The following HIRA variants were observed in gnomAD, a reference collection of about 807,000 sequenced individuals.
HIRA encodes the protein protein HIRA.
A neutral mutation model predicts 126.6 loss-of-function variants in HIRA; 13 were observed. That is an observed-to-expected ratio of 0.10 (90% CI 0.07 to 0.16). HIRA has a LOEUF of 0.16. HIRA is among the 10% of genes least tolerant of loss of function. The probability of loss-of-function intolerance (pLI) is 1.00; values close to 1 mark genes in which losing one functional copy is unlikely to be tolerated. For synonymous variants in HIRA, 511 were observed against 520.0 expected (o/e 0.98, Z 0.24); for missense variants, 834 against 1,314.4 (o/e 0.63, Z 5.65).
chr22:19,382,167 G>C (rs908442013), intron 13 of HIRA, among the ~76,000 whole-genome samples: 14 of 152,146 alleles, frequency 9.2e-5, no homozygotes, highest in Non-Finnish European at 1.8e-4. Context: ...GGAATCAGGA[G>C]GGCAAAAAGC....
At chr22:19,396,578 C>T (rs976552631) in intron 7 of HIRA, among the ~76,000 whole-genome samples, 9 of 152,240 alleles carry the variant, frequency 5.9e-5, no homozygotes, top group African/African-American at 1.7e-4. Context: ...GGAAATTAAA[C>T]AGCGTCTCAG....
At position 19,351,339 on chromosome 22, in the gene HIRA, C is replaced by T; in HGVS notation, c.2937+19G>A. 6.3e-7 allele frequency: 1 copy of T among 1,582,522 alleles called. No individual in the cohort carries two copies. Among genetic ancestry groups the T allele is most frequent in the South Asian group, 1.2e-5 (1 of 85,104 alleles). ...TTTCAAGAAAGAATTCTTGCAGCAA[C>T]AATGAAAGAAGCACCTACCACTACT... is the stretch of plus-strand genomic sequence containing the variant. On this transcript the variant is annotated intron_variant, in intron 24 of 24. Coordinates refer to ENST00000263208, the MANE Select transcript of HIRA (RefSeq NM_003325.4). The surrounding 1 kb of genome is among the most constrained non-coding windows in gnomAD (Gnocchi z 4.8).
intron 17 of HIRA, 35 bp downstream of exon 17, chr22:19,361,202 G>T: frequency 6.8e-7 from 1 of 1,471,762 alleles, no homozygotes; most frequent in Non-Finnish European, 9.5e-7. Flanking sequence ...GTCTGGGTGT[G>T]CCTGAGGGAG....
At chr22:19,426,678 C>G (rs1209744482) in intron 1 of HIRA, among the ~76,000 whole-genome samples, 2 of 152,210 alleles carry the variant, frequency 1.3e-5, no homozygotes, top group African/African-American at 4.8e-5. Flanking sequence ...CTGGTCCCCA[C>G]AGAACTCTTA....
At chr22:19,405,051 G>C (rs1040477428) in intron 5 of HIRA, among the ~76,000 whole-genome samples, 2 of 152,120 alleles carry the variant, frequency 1.3e-5, no homozygotes, top group African/African-American at 4.8e-5. Context: ...CAGTAACAGG[G>C]AGCACAAGCT....
intron 24 of HIRA, among the ~76,000 whole-genome samples, chr22:19,333,196 C>T (rs1330883044): frequency 6.6e-6 from 1 of 152,206 alleles, no homozygotes; most frequent in Non-Finnish European, 1.5e-5. Context: ...GCGTGAGCCA[C>T]TATGCCTGGC....
At position 19,394,336 on chromosome 22, in the gene HIRA, A is replaced by AC; in HGVS notation, c.822+5dup. On this transcript the variant is annotated splice_donor_region_variant and intron_variant, in intron 8 of 24. Coordinates refer to ENST00000263208, the MANE Select transcript of HIRA (RefSeq NM_003325.4). ...CCCATCTCCCTTTAGTTCCCTGGGC[A>AC]CTCACCACGACAGTCACAGCTTTCC... 1 of 1,614,058 alleles carries AC rather than the reference A, an allele frequency of 6.2e-7. No homozygotes were observed. Among genetic ancestry groups the AC allele is most frequent in the Non-Finnish European group, 8.5e-7 (1 of 1,179,950 alleles).
At chr22:19,361,442 G>A (rs1231099010) in intron 16 of HIRA, 101 bp from the exon 17 acceptor site, 3 of 991,204 alleles carry the variant, frequency 3.0e-6, no homozygotes, top group Middle Eastern at 2.5e-4. Flanking sequence ...TGCGACCAGA[G>A]CATTTCCACC....
At chr22:19,411,440 T>C (rs113978845) in intron 1 of HIRA, among the ~76,000 whole-genome samples, 3 of 152,086 alleles carry the variant, frequency 2.0e-5, no homozygotes, top group African/African-American at 7.2e-5. Flanking sequence ...GCTGGCTGGG[T>C]GGGTGGATCA....
rs1569310813 is a variant in HIRA at position 19,410,692 on chromosome 22, CCTTT to C, written c.100+20_100+23del. On this transcript the variant is annotated intron_variant, in intron 2 of 24. Transcript: ENST00000263208. ...AAGGTGGCAGGGCTGTTAAGCTTTCCCTTTCTTTATTCCATAAACATACCTTGTC... is the reference window on the plus strand; with the variant it reads ...AAGGTGGCAGGGCTGTTAAGCTTTCCCTTTATTCCATAAACATACCTTGTC... 6.3e-7 allele frequency: 1 copy of C among 1,590,194 alleles called. No homozygotes were observed.
rs2089097638 is a variant in HIRA, at chr22:19,383,677, C to T, written c.1358G>A (p.Arg453Gln). The change falls in exon 13 of 25, where the codon CGG (arginine) becomes CAG (glutamine). Residue 453 changes from arginine (R) to glutamine (Q), a missense_variant. Coordinates refer to ENST00000263208, the MANE Select transcript of HIRA (RefSeq NM_003325.4). Reference sequence around the variant, plus strand: ...GATTCTTCTCCGGCCATCTGCTGTCCGAGTCTCAACTTGTTTCTTCAAAAG... The same window carrying T: ...GATTCTTCTCCGGCCATCTGCTGTCTGAGTCTCAACTTGTTTCTTCAAAAG... ...KNLLKKQVETRTADGRRRITP... is the reference protein window; with the variant it reads ...KNLLKKQVETQTADGRRRITP... The T allele has an allele frequency of 6.2e-7, 1 of 1,614,078 alleles. No homozygotes were observed. The highest frequency in any genetic ancestry group is 8.5e-7 in the Non-Finnish European group (1 of 1,179,980).
At chr22:19,348,558 C>T (rs1403615568) in intron 24 of HIRA, among the ~76,000 whole-genome samples, 13 of 151,638 alleles carry the variant, frequency 8.6e-5, no homozygotes, top group Non-Finnish European at 1.5e-4. Flanking sequence ...TGCAATGGCG[C>T]GATCTCGGCT....
chr22:19,391,265 T>G (rs1327282936), intron 9 of HIRA, among the ~76,000 whole-genome samples: 1 of 152,112 alleles, frequency 6.6e-6, no homozygotes, highest in African/African-American at 2.4e-5. Context: ...ACCACACAAT[T>G]GCATTTATAT....
chr22:19,425,837 A>G (rs918762798), intron 1 of HIRA, among the ~76,000 whole-genome samples: 1 of 152,000 alleles, frequency 6.6e-6, no homozygotes, highest in African/African-American at 2.4e-5. Flanking sequence ...AAAACACTAA[A>G]TACCGAATAC....
chr22:19,358,102 C>T (rs889023694), intron 18 of HIRA, among the ~76,000 whole-genome samples: 5 of 152,098 alleles, frequency 3.3e-5, no homozygotes, highest in South Asian at 2.1e-4. Context: ...CCAGTTCAAG[C>T]GATTCTCCTA....
chr22:19,353,878 G>C, intron 22 of HIRA, 118 bp downstream of exon 22: 1 of 1,290,116 alleles, frequency 7.8e-7, no homozygotes. Flanking sequence ...ACCAGCACCT[G>C]GGGCACAGGG....
chr22:19,391,481 T>C (rs2089180880), intron 9 of HIRA, among the ~76,000 whole-genome samples: 1 of 145,888 alleles, frequency 6.9e-6, no homozygotes, highest in Non-Finnish European at 1.5e-5. Context: ...ATTTTTCTTT[T>C]TCTTTTTTTT....
At chr22:19,401,157 T>C (rs1411024769) in intron 5 of HIRA, among the ~76,000 whole-genome samples, 2 of 152,148 alleles carry the variant, frequency 1.3e-5, no homozygotes, top group Non-Finnish European at 2.9e-5. Flanking sequence ...TGACACCACA[T>C]GAATATTGCA....
At chr22:19,335,697 C>CA (rs2088559826) in intron 24 of HIRA, among the ~76,000 whole-genome samples, 1 of 152,072 alleles carries the variant, frequency 6.6e-6, no homozygotes, top group Non-Finnish European at 1.5e-5. Flanking sequence ...ATAGCCCCCC[C>CA]TATTTTTCCC....
Sources: gnomAD v4.1 joint callset for allele counts (sites outside exome capture counted in the v4.1 genomes callset) on GRCh38, gnomAD v4.1.1 for gene constraint, Gnocchi (gnomAD v3.1) non-coding constraint, MANE v1.5 for transcripts, NCBI Gene and HGNC (gene_info 2026-07-23, HGNC 2026-07-21) for gene names.